FSD1L: variants seen among roughly 807,000 people sequenced by gnomAD.
FSD1L encodes the protein FSD1-like protein.
In FSD1L, 45 loss-of-function variants were observed where a neutral mutation model predicts 71.6. The ratio of observed to expected loss-of-function variants is 0.63; its 90% confidence interval spans 0.49 to 0.81. The LOEUF (loss-of-function observed/expected upper bound fraction) is 0.81. Among genes scored for constraint, FSD1L ranks in the 30% least tolerant of loss-of-function variants. FSD1L has a pLI of 0.00. For synonymous variants in FSD1L, 197 were observed against 207.2 expected (o/e 0.95, Z 0.42); for missense variants, 561 against 618.1 (o/e 0.91, Z 0.98).
intron 6 of FSD1L, among the ~76,000 whole-genome samples, chr9:105,480,995 T>C (rs1051265222): frequency 6.6e-6 from 1 of 152,126 alleles, no homozygotes; most frequent in Non-Finnish European, 1.5e-5. Flanking sequence ...TTTGCCCAGA[T>C]TTGTTTATCA....
chr9:105,552,089 A>G lies in FSD1L; in HGVS notation c.*5606A>G, dbSNP rs1326070516. 1 of 152,226 alleles carries G rather than the reference A, an allele frequency of 6.6e-6. No individual in the cohort carries two copies. Among genetic ancestry groups the G allele is most frequent in the Non-Finnish European group, 1.5e-5 (1 of 68,032 alleles). The allele number at this position is 152,226 out of a possible 1,614,324, so 9.4% of individuals were successfully genotyped here. ...ATTAAATGGTTTACAGGTTATCTGA[A>G]TCTACAGATTTAGTATGTCTATTAT... On this transcript the variant is annotated 3_prime_UTR_variant, in exon 14 of 14. Coordinates refer to ENST00000481272, the MANE Select transcript of FSD1L (RefSeq NM_001145313.3).
In FSD1L at chr9:105,549,954, T is replaced by A. The variant is rs1245937281; in HGVS notation, c.*3471T>A. The A allele has an allele frequency of 1.3e-5, 2 of 151,942 alleles. No individual in the cohort carries two copies. The highest frequency in any genetic ancestry group is 2.9e-5 in the Non-Finnish European group (2 of 67,860). The allele number at this position is 151,942 out of a possible 1,614,324, so 9.4% of individuals were successfully genotyped here. On this transcript the variant is annotated 3_prime_UTR_variant, in exon 14 of 14. Transcript: ENST00000481272. ...TGTAGACTTCTTACTGTAAAATATGTGATTCCAGGCTTAAGAAATTGATTA... is the reference window on the plus strand; with the variant it reads ...TGTAGACTTCTTACTGTAAAATATGAGATTCCAGGCTTAAGAAATTGATTA...
chr9:105,540,540 G>C (rs1006405090), intron 13 of FSD1L, among the ~76,000 whole-genome samples: 1 of 152,064 alleles, frequency 6.6e-6, no homozygotes, highest in Non-Finnish European at 1.5e-5. Flanking sequence ...TGTACATTTA[G>C]ATATAGACTG....
chr9:105,524,213 G>T, intron 10 of FSD1L: 1 of 1,612,262 alleles, frequency 6.2e-7, no homozygotes, highest in East Asian at 2.2e-5. Context: ...CTCTGAATGT[G>T]ATTTGTGTTT....
intron 7 of FSD1L, among the ~76,000 whole-genome samples, chr9:105,485,533 GTTTTTTTTTTTT>G (rs34268568): frequency 3.8e-5 from 3 of 79,406 alleles, no homozygotes; most frequent in African/African-American, 9.6e-5. Context: ...TTGGTTAGGT[GTTTTTTTTTTTT>G]TTTTTTTTTT....
chr9:105,480,264 C>T (rs1832081276), intron 6 of FSD1L, among the ~76,000 whole-genome samples: 1 of 150,828 alleles, frequency 6.6e-6, no homozygotes, highest in African/African-American at 2.4e-5. Context: ...TATTGTTAAT[C>T]TTGGCTGACA....
intron 10 of FSD1L, among the ~76,000 whole-genome samples, chr9:105,519,141 C>T (rs912101175): frequency 6.6e-6 from 1 of 152,280 alleles, no homozygotes; most frequent in East Asian, 1.9e-4. Context: ...ATAACAAATT[C>T]TGAAATTGAG....
chr9:105,483,161 G>A (rs1832321586), intron 6 of FSD1L, among the ~76,000 whole-genome samples: 1 of 152,142 alleles, frequency 6.6e-6, no homozygotes, highest in Admixed American at 6.5e-5. Context: ...TCCCTTTGCT[G>A]TAAATTATAT....
At chr9:105,463,265 T>C (rs935663894) in intron 2 of FSD1L, among the ~76,000 whole-genome samples, 1 of 152,240 alleles carries the variant, frequency 6.6e-6, no homozygotes, top group Non-Finnish European at 1.5e-5. Flanking sequence ...CAAAGTCTTA[T>C]AGGCTTTATT....
intron 1 of FSD1L, among the ~76,000 whole-genome samples, chr9:105,448,633 C>T (rs997808141): frequency 3.9e-5 from 6 of 152,106 alleles, no homozygotes. Context: ...TTTTTGGTGT[C>T]TCCCTGCTGA....
In FSD1L at chr9:105,535,073, C is replaced by A. The variant is rs1457970091; in HGVS notation, c.1133C>A (p.Thr378Asn). ...TGESYTVLGD[T>N]AIESGQHYWE... is the part of the protein sequence containing the mutation. ...CCTTTCTGATCTTTTGTAGGAGACA[C>A]TGCTATTGAAAGTGGACAACATTAT... Residue 378 changes from threonine to asparagine, a missense_variant, in exon 12 of 14, where the codon ACT (threonine) becomes AAT (asparagine). Physicochemically the swap from Thr to Asn is moderately conservative, Grantham distance 65. Coordinates refer to ENST00000481272, the MANE Select transcript of FSD1L (RefSeq NM_001145313.3). 6.4e-7 allele frequency: 1 copy of A among 1,551,440 alleles called. No individual in the cohort carries two copies. The highest frequency in any genetic ancestry group is 2.4e-5 in the East Asian group (1 of 40,902).
chr9:105,539,026 C>A (rs77372899), intron 12 of FSD1L, among the ~76,000 whole-genome samples: 3,799 of 152,094 alleles, frequency 0.025, 179 homozygotes, highest in African/African-American at 0.087. Context: ...TAAGTCGAAT[C>A]GTGCTAGATT....
intron 8 of FSD1L, among the ~76,000 whole-genome samples, chr9:105,507,361 C>T (rs183393445): frequency 1.3e-5 from 2 of 152,278 alleles, no homozygotes; most frequent in South Asian, 2.1e-4. Context: ...ATGCTTATTA[C>T]GCATGAGGAG....
chr9:105,503,032 G>A (rs373507256), intron 7 of FSD1L, among the ~76,000 whole-genome samples: 61 of 151,142 alleles, frequency 4.0e-4, no homozygotes, highest in African/African-American at 1.4e-3. Flanking sequence ...GGCATGCACC[G>A]CCATACCCAA....
chr9:105,479,727 T>G (rs979693848), intron 6 of FSD1L, among the ~76,000 whole-genome samples: 2 of 152,220 alleles, frequency 1.3e-5, no homozygotes, highest in Non-Finnish European at 2.9e-5. Context: ...TTGTTAAATT[T>G]AAATGTAAGT....
intron 2 of FSD1L, among the ~76,000 whole-genome samples, chr9:105,462,189 T>A (rs1830744279): frequency 6.6e-6 from 1 of 151,832 alleles, no homozygotes; most frequent in Non-Finnish European, 1.5e-5. Context: ...GTTTTATAAT[T>A]TTTTTTGGTG....
intron 7 of FSD1L, among the ~76,000 whole-genome samples, chr9:105,499,695 T>G (rs1271794964): frequency 6.6e-6 from 1 of 151,710 alleles, no homozygotes; most frequent in Non-Finnish European, 1.5e-5. Context: ...TGATGTTCCC[T>G]GAGCATCCTA....
At chr9:105,489,256 C>T (rs940335061) in intron 7 of FSD1L, among the ~76,000 whole-genome samples, 7 of 151,986 alleles carry the variant, frequency 4.6e-5, no homozygotes, top group African/African-American at 1.7e-4. Context: ...TTTTTTGGGG[C>T]CCACTGATCT....
At chr9:105,541,570 AT>A (rs1001674484) in intron 13 of FSD1L, among the ~76,000 whole-genome samples, 2 of 151,900 alleles carry the variant, frequency 1.3e-5, no homozygotes, top group African/African-American at 2.4e-5. Flanking sequence ...GCTTGTTAAA[AT>A]TTTTTTTCCT....
Sources: allele counts gnomAD v4.1 joint callset (sites outside exome capture counted in the v4.1 genomes callset), GRCh38; gene constraint gnomAD v4.1.1; transcripts MANE v1.5; gene names NCBI Gene and HGNC (gene_info 2026-07-23, HGNC 2026-07-21).